Variants in TMEM132B observed in about 807,000 individuals in gnomAD.
TMEM132B encodes the protein transmembrane protein 132B.
In TMEM132B, 18 loss-of-function variants were observed where a neutral mutation model predicts 90.8. The observed-to-expected ratio is 0.20, with a 90% confidence interval of 0.14 to 0.29. TMEM132B has a LOEUF of 0.29. Ranked by LOEUF, TMEM132B falls within the 10% of genes least tolerant of loss-of-function variation. The probability of loss-of-function intolerance (pLI) is 1.00; values close to 1 mark genes in which losing one functional copy is unlikely to be tolerated. For synonymous variants in TMEM132B, 504 were observed against 523.3 expected (o/e 0.96, Z 0.50); for missense variants, 1,096 against 1,326.8 (o/e 0.83, Z 2.70).
At chr12:125,325,626 T>A (rs1331393605) in intron 1 of TMEM132B, among the ~76,000 whole-genome samples, 1 of 151,952 alleles carries the variant, frequency 6.6e-6, no homozygotes, top group African/African-American at 2.4e-5. Flanking sequence ...ATTTTTATGT[T>A]AAGAAGGTGT....
At position 125,654,013 on chromosome 12, in the gene TMEM132B, G is replaced by A; in HGVS notation, c.2555G>A (p.Ser852Asn). Residue 852 changes from serine (S) to asparagine (N), a missense_variant, in exon 9 of 9, where the codon AGC becomes AAC. Ser to Asn is a conservative substitution (Grantham distance 46). Transcript: ENST00000682704. This position sits in a 1 kb window ranked among gnomAD's most constrained non-coding sequence, Gnocchi z 5.8. ...PVGQEESTNK[S>N]TTPQSPMEGK... Reference sequence around the variant, plus strand: ...GGCCAAGAGGAAAGTACCAACAAAAGCACAACCCCCCAGTCTCCCATGGAA... The same window carrying A: ...GGCCAAGAGGAAAGTACCAACAAAAACACAACCCCCCAGTCTCCCATGGAA... The A allele has an allele frequency of 6.2e-7, 1 of 1,614,162 alleles. No homozygotes were observed.
rs1321703753 is a variant in TMEM132B, at chr12:125,209,159, G to A, written c.67+22293G>A. On this transcript the variant is annotated intron_variant, in intron 1 of 8. Transcript: ENST00000682704. The surrounding 1 kb of genome is among the most constrained non-coding windows in gnomAD (Gnocchi z 4.4). ...CGGGAGCCAGCAGGTGGTGGTGAGA[G>A]GCTTGGGGATTAAAGGGAAGAAAAA... Among the ~76,000 whole-genome samples the A allele has an allele frequency of 6.6e-6, 1 of 152,208 alleles. No homozygotes were observed. The highest frequency in any genetic ancestry group is 2.4e-5 in the African/African-American group (1 of 41,456).
chr12:125,559,675 G>T (rs1884472930), intron 4 of TMEM132B, among the ~76,000 whole-genome samples: 2 of 152,098 alleles, frequency 1.3e-5, no homozygotes, highest in Admixed American at 1.3e-4. Flanking sequence ...GGTGGCTCTG[G>T]AAGCTGAGTC....
At chr12:125,523,823 T>G (rs143437018) in intron 4 of TMEM132B, among the ~76,000 whole-genome samples, 1 of 152,300 alleles carries the variant, frequency 6.6e-6, no homozygotes, top group East Asian at 1.9e-4. Flanking sequence ...CTCTGACAGC[T>G]CCAAGATCCT....
At chr12:125,271,952 A>G (rs1874847423) in intron 1 of TMEM132B, among the ~76,000 whole-genome samples, 1 of 152,220 alleles carries the variant, frequency 6.6e-6, no homozygotes, top group Non-Finnish European at 1.5e-5. Flanking sequence ...CTTGCCATAA[A>G]TAGCCAGAAA....
chr12:125,507,194 C>T (rs1882868361), intron 3 of TMEM132B, among the ~76,000 whole-genome samples: 1 of 152,144 alleles, frequency 6.6e-6, no homozygotes, highest in Non-Finnish European at 1.5e-5. Flanking sequence ...AAAGGGGTGT[C>T]ATGTTGAAGT....
intron 4 of TMEM132B, among the ~76,000 whole-genome samples, chr12:125,535,454 C>T (rs1315894299): frequency 1.3e-5 from 2 of 152,172 alleles, no homozygotes; most frequent in Non-Finnish European, 2.9e-5. Context: ...TGACCAAGGG[C>T]CTGTGTGCCA....
intron 1 of TMEM132B, among the ~76,000 whole-genome samples, chr12:125,295,751 C>A (rs1395283222): frequency 6.6e-6 from 1 of 152,140 alleles, no homozygotes; most frequent in East Asian, 1.9e-4. Context: ...CTCTACTGTG[C>A]ATCGGTGGCT....
intron 1 of TMEM132B, among the ~76,000 whole-genome samples, chr12:125,344,702 G>T (rs1276270194): frequency 6.6e-6 from 1 of 152,124 alleles, no homozygotes; most frequent in East Asian, 1.9e-4. Context: ...GGCATGAGTG[G>T]AATGGCTGAA....
chr12:125,188,261 A>G (rs1172133986), intron 1 of TMEM132B, among the ~76,000 whole-genome samples: 1 of 152,172 alleles, frequency 6.6e-6, no homozygotes, highest in African/African-American at 2.4e-5. Flanking sequence ...TGCTTGGCTA[A>G]GGAGCAGCTA....
chr12:125,349,646 A>G lies in TMEM132B; in HGVS notation c.262A>G (p.Ile88Val), dbSNP rs370180475. ...CATCTACCGAGCCAGGACACCCCCT[A>G]TTATCAATGCCAGCTATGGCCCATT... ...FFIYRARTPP[I>V]INASYGPFSV... Residue 88 changes from isoleucine (I) to valine (V), a missense_variant, in exon 2 of 9, where the codon ATT becomes GTT. Physicochemically the swap from Ile to Val is conservative, Grantham distance 29. Transcript: ENST00000682704. This position sits in a 1 kb window ranked among gnomAD's most constrained non-coding sequence, Gnocchi z 4.1. 8 of 1,613,986 alleles carry G rather than the reference A, an allele frequency of 5.0e-6. No homozygotes were observed. The highest frequency in any genetic ancestry group is 1.3e-5 in the African/African-American group (1 of 74,892).
chr12:125,344,838 GA>G (rs1028779142), intron 1 of TMEM132B, among the ~76,000 whole-genome samples: 2 of 92,294 alleles, frequency 2.2e-5, no homozygotes, highest in African/African-American at 5.5e-5. Context: ...AGAACTATGT[GA>G]AAACAGCACC....
intron 3 of TMEM132B, among the ~76,000 whole-genome samples, chr12:125,481,670 A>G: frequency 6.6e-6 from 1 of 152,238 alleles, no homozygotes; most frequent in Non-Finnish European, 1.5e-5. Context: ...GAAAATGGCC[A>G]TACTGCCCAA....
chr12:125,619,807 G>A (rs10773181), intron 5 of TMEM132B, among the ~76,000 whole-genome samples: 68,125 of 152,028 alleles, frequency 0.45, 16,324 homozygotes, highest in African/African-American at 0.6. Flanking sequence ...TAAGCATTGC[G>A]TCTTCCTGCA....
rs560735739 is a variant in TMEM132B at position 125,543,581 on chromosome 12, C to T, written c.1293+23956C>T. Among the ~76,000 whole-genome samples, 4 of 152,286 alleles carry T rather than the reference C, an allele frequency of 2.6e-5. No homozygotes were observed. In the South Asian group the frequency reaches 6.2e-4, roughly 24 times the overall value. ...GATGACTGTAGTGCTTTTTAAATACCTTCTGCATATGGGTAGCCAGTTCTC... is the reference window on the plus strand; with the variant it reads ...GATGACTGTAGTGCTTTTTAAATACTTTCTGCATATGGGTAGCCAGTTCTC... On this transcript the variant is annotated intron_variant, in intron 4 of 8. Transcript: ENST00000682704.
At chr12:125,446,271 A>G (rs1881004374) in intron 3 of TMEM132B, among the ~76,000 whole-genome samples, 1 of 152,214 alleles carries the variant, frequency 6.6e-6, no homozygotes, top group Admixed American at 6.5e-5. Flanking sequence ...GACTGCAAAT[A>G]GTAGGTGCTC....
At chr12:125,588,432 T>A (rs1300245957) in intron 5 of TMEM132B, 2 of 152,216 alleles carry the variant, frequency 1.3e-5, no homozygotes, top group African/African-American at 4.8e-5. Flanking sequence ...CAGGCTCAAG[T>A]GATCCTCCCA....
chr12:125,331,639 C>T (rs572770483), intron 1 of TMEM132B, among the ~76,000 whole-genome samples: 1 of 152,342 alleles, frequency 6.6e-6, no homozygotes, highest in Non-Finnish European at 1.5e-5. Context: ...TAAGCCCACA[C>T]TCTGGGGCCC....
chr12:125,499,809 T>C (rs532367286), intron 3 of TMEM132B, among the ~76,000 whole-genome samples: 1 of 152,334 alleles, frequency 6.6e-6, no homozygotes, highest in South Asian at 2.1e-4. Flanking sequence ...TTACTAATCA[T>C]AGGTTATGGA....
Sources: gnomAD v4.1 joint callset for allele counts (sites outside exome capture counted in the v4.1 genomes callset) on GRCh38, gnomAD v4.1.1 for gene constraint, Gnocchi (gnomAD v3.1) non-coding constraint, MANE v1.5 for transcripts, NCBI Gene and HGNC (gene_info 2026-07-23, HGNC 2026-07-21) for gene names.